Variants in VWDE observed in about 807,000 individuals in gnomAD.
The protein encoded by VWDE is von Willebrand factor D and EGF domain-containing protein.
A neutral mutation model predicts 178.4 loss-of-function variants in VWDE; 207 were observed. The ratio of observed to expected loss-of-function variants is 1.16; its 90% CI spans 1.04 to 1.30. The LOEUF is 1.30. Among genes scored for constraint, VWDE ranks in the 50% most tolerant of loss-of-function variants. The pLI, the probability that VWDE is intolerant of heterozygous loss-of-function variation, is 0.00. For synonymous variants in VWDE, 738 were observed against 651.4 expected (o/e 1.13, Z -2.02); for missense variants, 2,287 against 1,901.3 (o/e 1.20, Z -3.77).
intron 24 of VWDE, among the ~76,000 whole-genome samples, chr7:12,340,074 C>T (rs182117631): frequency 1.4e-3 from 211 of 152,268 alleles, no homozygotes; most frequent in African/African-American, 4.9e-3. Flanking sequence ...ATACCTTGGG[C>T]CTACAAAGCT....
intron 1 of VWDE, among the ~76,000 whole-genome samples, chr7:12,396,772 AC>A (rs1784645531): frequency 2.0e-5 from 3 of 150,146 alleles, no homozygotes; most frequent in South Asian, 4.6e-4. Context: ...AAAAAAAAAT[AC>A]AAAAATACAA....
chr7:12,378,989 C>T (rs904743188), intron 6 of VWDE, among the ~76,000 whole-genome samples: 6 of 152,166 alleles, frequency 3.9e-5, no homozygotes, highest in Non-Finnish European at 5.9e-5. Context: ...CATCTCTGCT[C>T]ATCTGCTAGA....
In VWDE at chr7:12,377,840, A is replaced by G. The variant is rs1486612065; in HGVS notation, c.960T>C (p.Cys320=). The G allele has an allele frequency of 3.3e-6, 5 of 1,531,660 alleles. No individual in the cohort carries two copies. The East Asian group carries it at 1.0e-4, about 31-fold the overall frequency. The allele number at this position is 1,531,660 out of a possible 1,614,324, so 94.9% of individuals were successfully genotyped here. A position where few individuals can be genotyped will look rare whatever the true frequency, so the allele number is the denominator to read the frequency against. Residue 320 remains cysteine (C), a synonymous_variant, in exon 7 of 29, where the codon TGT becomes TGC. Transcript: ENST00000275358. ...LRIESTVPII[C]SEFSELDQEC... is the part of the protein sequence containing the mutation. ...CTTGATCAAGCTCACTAAATTCAGA[A>G]CAAATAATAGGAACTGTGCTTTCTA...
chr7:12,357,278 C>G lies in VWDE; in HGVS notation c.3512G>C (p.Arg1171Thr). 2 of 1,552,182 alleles carry G rather than the reference C, an allele frequency of 1.3e-6. No homozygotes were observed. The highest frequency in any genetic ancestry group is 1.7e-6 in the Non-Finnish European group (2 of 1,147,038). Residue 1171 changes from arginine to threonine, a missense_variant, in exon 17 of 29, where the codon AGA becomes ACA. Coordinates refer to ENST00000275358, the MANE Select transcript of VWDE (RefSeq NM_001135924.3). The stretch of plus-strand genomic sequence containing the variant: ...TATAAAGATTACCTCAATCGTGACT[C>G]TAGTTTCAGCATCGCAGTCATCATT... The part of the protein sequence containing the change: ...RLNDDCDAET[R>T]VTIEVTVKSC...
intron 1 of VWDE, among the ~76,000 whole-genome samples, chr7:12,399,679 C>T (rs542593307): frequency 7.2e-5 from 11 of 152,048 alleles, no homozygotes; most frequent in Non-Finnish European, 1.5e-4. Flanking sequence ...ATAAAACAAG[C>T]CTTGATAAAT....
intron 18 of VWDE, among the ~76,000 whole-genome samples, chr7:12,355,883 C>CT (rs1192379436): frequency 6.6e-6 from 1 of 151,962 alleles, no homozygotes; most frequent in Non-Finnish European, 1.5e-5. Flanking sequence ...AAACAGGTTC[C>CT]TACATTGCTA....
At chr7:12,395,678 T>C (rs1027962797) in intron 1 of VWDE, among the ~76,000 whole-genome samples, 5 of 152,072 alleles carry the variant, frequency 3.3e-5, no homozygotes, top group African/African-American at 1.2e-4. Flanking sequence ...TATTATTTCA[T>C]AACTTTTTTC....
chr7:12,342,000 G>A (rs1297177073), intron 23 of VWDE, 59 bp downstream of exon 23: 40 of 1,363,560 alleles, frequency 2.9e-5, no homozygotes, highest in Middle Eastern at 1.8e-4. Flanking sequence ...ACGTCTTCAG[G>A]ACATTGGCAT....
intron 4 of VWDE, among the ~76,000 whole-genome samples, chr7:12,383,099 T>C (rs537280414): frequency 6.6e-6 from 1 of 152,058 alleles, no homozygotes; most frequent in African/African-American, 2.4e-5. Flanking sequence ...AGTGTTTATG[T>C]ATCAGAAATA....
chr7:12,333,299 C>G (rs531525593), intron 28 of VWDE, among the ~76,000 whole-genome samples, 166 bp downstream of exon 28: 9 of 152,162 alleles, frequency 5.9e-5, no homozygotes, highest in African/African-American at 2.2e-4. Flanking sequence ...TATATAATAA[C>G]TCTACCAAAA....
chr7:12,352,343 C>T (rs1781990010), intron 18 of VWDE, among the ~76,000 whole-genome samples: 1 of 152,130 alleles, frequency 6.6e-6, no homozygotes, highest in Non-Finnish European at 1.5e-5. Flanking sequence ...AATAACTGTG[C>T]TTTATTCATG....
intron 13 of VWDE, among the ~76,000 whole-genome samples, chr7:12,363,131 A>G (rs1782675194): frequency 6.6e-6 from 1 of 152,118 alleles, no homozygotes; most frequent in Non-Finnish European, 1.5e-5. Context: ...GCATTAAAAG[A>G]GACTCAAATA....
At chr7:12,365,029 C>T (rs1782784508) in intron 13 of VWDE, among the ~76,000 whole-genome samples, 1 of 151,944 alleles carries the variant, frequency 6.6e-6, no homozygotes, top group Non-Finnish European at 1.5e-5. Flanking sequence ...CAGTGCTCTT[C>T]GAAAGAACCA....
intron 24 of VWDE, among the ~76,000 whole-genome samples, chr7:12,338,268 T>C (rs1238367186): frequency 6.6e-6 from 1 of 151,800 alleles, no homozygotes; most frequent in Admixed American, 6.6e-5. Context: ...TAGGCTGAAG[T>C]TTTTTTTGGT....
intron 1 of VWDE, among the ~76,000 whole-genome samples, chr7:12,397,233 T>G (rs1784673636): frequency 6.6e-6 from 1 of 151,954 alleles, no homozygotes. Context: ...CACAGACCAA[T>G]GGAACAGAAT....
intron 24 of VWDE, among the ~76,000 whole-genome samples, chr7:12,337,482 A>G (rs1436848350): frequency 6.6e-6 from 1 of 152,226 alleles, no homozygotes; most frequent in Non-Finnish European, 1.5e-5. Context: ...AATTTGAAAT[A>G]TATTGGTTAA....
At chr7:12,391,659 A>C (rs908071606) in intron 2 of VWDE, among the ~76,000 whole-genome samples, 2 of 152,230 alleles carry the variant, frequency 1.3e-5, no homozygotes, top group Non-Finnish European at 2.9e-5. Context: ...TGAGCAAATA[A>C]ACAAAAAAGA....
chr7:12,383,697 T>C, intron 3 of VWDE, 96 bp from the exon 4 acceptor site: 1 of 1,071,034 alleles, frequency 9.3e-7, no homozygotes, highest in Non-Finnish European at 1.4e-6. Flanking sequence ...GATGATTTAA[T>C]ACAGACTAAG....
intron 13 of VWDE, among the ~76,000 whole-genome samples, chr7:12,363,124 T>C (rs1782674650): frequency 6.6e-6 from 1 of 152,062 alleles, no homozygotes; most frequent in African/African-American, 2.4e-5. Context: ...TATTATTGCA[T>C]TAAAAGAGAC....
Sources: gnomAD v4.1 joint callset for allele counts (sites outside exome capture counted in the v4.1 genomes callset) on GRCh38, gnomAD v4.1.1 for gene constraint, MANE v1.5 for transcripts, NCBI Gene and HGNC (gene_info 2026-07-23, HGNC 2026-07-21) for gene names.